The following UNC13C variants were observed in gnomAD, a reference collection of about 807,000 sequenced individuals.
UNC13C encodes the protein protein unc-13 homolog C.
UNC13C carries 174 observed loss-of-function variants against 245.4 expected under a neutral mutation model. That is an observed-to-expected ratio of 0.71 (90% CI 0.63 to 0.80). UNC13C has a LOEUF of 0.80. UNC13C is among the 30% of genes least tolerant of loss of function. UNC13C has a pLI of 0.00. For missense variants in UNC13C, 2,829 were observed against 2,602.9 expected (o/e 1.09, Z -1.89); for synonymous variants, 992 against 895.1 (o/e 1.11, Z -1.93).
intron 20 of UNC13C, among the ~76,000 whole-genome samples, chr15:54,495,599 A>G (rs1243651151): frequency 1.3e-5 from 2 of 152,036 alleles, no homozygotes; most frequent in Non-Finnish European, 2.9e-5. Flanking sequence ...TTATGGAGGT[A>G]AGAATATATG....
At chr15:54,281,430 A>G (rs376872323) in intron 10 of UNC13C, among the ~76,000 whole-genome samples, 2 of 152,236 alleles carry the variant, frequency 1.3e-5, no homozygotes, top group African/African-American at 4.8e-5. Context: ...AACCAAAGAT[A>G]TACTTAAAGC....
chr15:53,987,813 G>A (rs896797443), intron 1 of UNC13C, among the ~76,000 whole-genome samples: 1 of 152,042 alleles, frequency 6.6e-6, no homozygotes. Flanking sequence ...TCTGAAGGAT[G>A]TCTCTGTTCT....
chr15:53,981,120 A>G (rs1029703822), intron 1 of UNC13C, among the ~76,000 whole-genome samples: 1 of 152,172 alleles, frequency 6.6e-6, no homozygotes, highest in Non-Finnish European at 1.5e-5. Context: ...TGGTATGATA[A>G]TATCTTTTCC....
At chr15:54,190,423 C>T (rs924371597) in intron 4 of UNC13C, among the ~76,000 whole-genome samples, 4 of 152,054 alleles carry the variant, frequency 2.6e-5, no homozygotes, top group Non-Finnish European at 5.9e-5. Flanking sequence ...TCACTTTACC[C>T]ATTTAATTTT....
At chr15:54,083,000 C>T (rs1235142386) in intron 2 of UNC13C, among the ~76,000 whole-genome samples, 3 of 152,088 alleles carry the variant, frequency 2.0e-5, no homozygotes, top group Non-Finnish European at 4.4e-5. Flanking sequence ...AGCAGTAAGA[C>T]CCTCCGGAAG....
chr15:54,002,733 CTCAA>C (rs1429994972), intron 1 of UNC13C, among the ~76,000 whole-genome samples: 2 of 152,168 alleles, frequency 1.3e-5, no homozygotes, highest in Non-Finnish European at 2.9e-5. Context: ...CTCTTTTAAT[CTCAA>C]ACAGTTTCCA....
chr15:54,189,562 C>G (rs533133916), intron 4 of UNC13C, among the ~76,000 whole-genome samples: 1 of 152,106 alleles, frequency 6.6e-6, no homozygotes, highest in African/African-American at 2.4e-5. Context: ...ATGAAAGAGA[C>G]AGCTGAAGCA....
chr15:54,321,195 G>T, intron 13 of UNC13C: 1 of 504,556 alleles, frequency 2.0e-6, no homozygotes. Context: ...GTTTCTGAAT[G>T]ACAGCCTTAT....
intron 7 of UNC13C, among the ~76,000 whole-genome samples, chr15:54,240,631 G>A (rs554658148): frequency 1.3e-5 from 2 of 152,208 alleles, no homozygotes; most frequent in East Asian, 3.9e-4. Context: ...GTGAAGCATC[G>A]CCAGTGCCCC....
chr15:54,569,616 A>G (rs563231143), intron 30 of UNC13C, among the ~76,000 whole-genome samples: 1 of 151,950 alleles, frequency 6.6e-6, no homozygotes, highest in East Asian at 1.9e-4. Flanking sequence ...GTGTGTGTAT[A>G]ATCAACTATG....
At chr15:54,107,357 A>C in intron 2 of UNC13C, among the ~76,000 whole-genome samples, 1 of 152,300 alleles carries the variant, frequency 6.6e-6, no homozygotes, top group East Asian at 1.9e-4. Flanking sequence ...AAGCATTATA[A>C]GCATATAATT....
rs1240373881 is a variant in UNC13C at position 54,075,418 on chromosome 15, AGCTTGCAGTGAGCCG to A, written c.2983+59534_2983+59548del. 1.6e-3 allele frequency among the ~76,000 whole-genome samples: 126 copies of A among 77,486 alleles called. 4 individuals are homozygous for A. In the South Asian group the frequency reaches 0.041, roughly 25 times the overall value. 50.8% of individuals were successfully genotyped at this position (77,486 alleles called of 152,430 possible). Reference sequence around the variant, plus strand: ...GAGAATGGCGTGAACCTGAAGGCGGAGCTTGCAGTGAGCCGGAGCTTGCAGTGAGCCGGAGCTTGC... The same window carrying A: ...GAGAATGGCGTGAACCTGAAGGCGGAGAGCTTGCAGTGAGCCGGAGCTTGC... On this transcript the variant is annotated intron_variant, in intron 2 of 32. Coordinates refer to ENST00000260323, the MANE Select transcript of UNC13C (RefSeq NM_001080534.3).
chr15:54,616,046 G>A (rs1348938979), intron 30 of UNC13C, among the ~76,000 whole-genome samples: 1 of 151,918 alleles, frequency 6.6e-6, no homozygotes, highest in Non-Finnish European at 1.5e-5. Flanking sequence ...TTTAAAGTTA[G>A]GATACCTAAA....
At chr15:54,126,006 A>C (rs1035784934) in intron 2 of UNC13C, among the ~76,000 whole-genome samples, 1 of 152,216 alleles carries the variant, frequency 6.6e-6, no homozygotes, top group African/African-American at 2.4e-5. Flanking sequence ...CAATACAAAG[A>C]AATATTCTAA....
intron 14 of UNC13C, among the ~76,000 whole-genome samples, chr15:54,328,904 C>G (rs1187541853): frequency 6.6e-6 from 1 of 152,004 alleles, no homozygotes; most frequent in Non-Finnish European, 1.5e-5. Context: ...AATCAAGTTT[C>G]ACTGGAAAAT....
chr15:54,473,089 C>A (rs1002325489), intron 19 of UNC13C, among the ~76,000 whole-genome samples: 1 of 151,780 alleles, frequency 6.6e-6, no homozygotes, highest in Non-Finnish European at 1.5e-5. Flanking sequence ...ATGCTCAGCT[C>A]CCACTAAAAG....
chr15:54,307,328 G>T (rs141182694), intron 13 of UNC13C, among the ~76,000 whole-genome samples: 1 of 151,862 alleles, frequency 6.6e-6, no homozygotes, highest in Non-Finnish European at 1.5e-5. Flanking sequence ...CCAAAGGGAT[G>T]GAAGCTCTCT....
chr15:53,973,274 TG>T, upstream of UNC13C, among the ~76,000 whole-genome samples: 1 of 152,262 alleles, frequency 6.6e-6, no homozygotes. Flanking sequence ...TGACAATATT[TG>T]GTAAGAAGTT....
rs1222420224 is a variant in UNC13C at position 54,300,393 on chromosome 15, T to A, written c.4268+20T>A. On this transcript the variant is annotated intron_variant, in intron 13 of 32. Coordinates refer to ENST00000260323, the MANE Select transcript of UNC13C (RefSeq NM_001080534.3). ...TATGACGTAAGTACTACAGAACATT[T>A]ACATGGTCAATATCTCTATTAAAAT... The A allele has an allele frequency of 3.2e-6, 5 of 1,552,288 alleles. No homozygotes were observed. The highest frequency in any genetic ancestry group is 4.4e-6 in the Non-Finnish European group (5 of 1,145,766).
Sources: allele counts gnomAD v4.1 joint callset (sites outside exome capture counted in the v4.1 genomes callset), GRCh38; gene constraint gnomAD v4.1.1; transcripts MANE v1.5; gene names NCBI Gene and HGNC (gene_info 2026-07-23, HGNC 2026-07-21).